Variants in KCNH8 observed in about 807,000 individuals in gnomAD.
The protein encoded by KCNH8 is potassium voltage-gated channel subfamily H member 8.
Under a neutral mutation model 103.6 loss-of-function variants are expected in KCNH8, and 70 were observed. The observed-to-expected ratio is 0.68, with a 90% CI of 0.56 to 0.82. The LOEUF is 0.82. KCNH8 is among the 40% of genes least tolerant of loss of function. The pLI is 0.00. For synonymous variants in KCNH8, 498 were observed against 489.4 expected (o/e 1.02, Z -0.23); for missense variants, 1,217 against 1,329.9 (o/e 0.92, Z 1.32).
chr3:19,306,064 GGA>G (rs562906373), intron 3 of KCNH8, among the ~76,000 whole-genome samples: 45 of 152,198 alleles, frequency 3.0e-4, no homozygotes, highest in Non-Finnish European at 5.9e-4. Flanking sequence ...AGAAATGGGA[GGA>G]GAGGATCTGG....
At chr3:19,272,006 A>G (rs1228465001) in intron 2 of KCNH8, among the ~76,000 whole-genome samples, 1 of 152,166 alleles carries the variant, frequency 6.6e-6, no homozygotes, top group Non-Finnish European at 1.5e-5. Context: ...GAGAATCTGA[A>G]CCTTGAAAAA....
chr3:19,481,946 C>T (rs1012684384), intron 11 of KCNH8, among the ~76,000 whole-genome samples: 32 of 152,146 alleles, frequency 2.1e-4, no homozygotes, highest in African/African-American at 7.7e-4. Flanking sequence ...ACCCCTCAGA[C>T]AACAATTTGT....
At chr3:19,373,023 T>C (rs892720894) in intron 5 of KCNH8, among the ~76,000 whole-genome samples, 3 of 151,966 alleles carry the variant, frequency 2.0e-5, no homozygotes, top group African/African-American at 4.8e-5. Context: ...CAGTATTTTA[T>C]TGAGGATTTT....
In KCNH8 at chr3:19,482,166, C is replaced by T. The variant is rs551902682; in HGVS notation, c.2040+25184C>T. On this transcript the variant is annotated intron_variant, in intron 11 of 15. Transcript: ENST00000328405. ...CACCGGTAATTAGAATGGAAGAGAACAGGACAGGGATTTCCACAGTGCTTT... is the reference window on the plus strand; with the variant it reads ...CACCGGTAATTAGAATGGAAGAGAATAGGACAGGGATTTCCACAGTGCTTT... Among the ~76,000 whole-genome samples the T allele has an allele frequency of 7.2e-5, 11 of 152,288 alleles. No individual in the cohort carries two copies. The East Asian group carries it at 2.1e-3, about 29-fold the overall frequency.
intron 3 of KCNH8, among the ~76,000 whole-genome samples, chr3:19,284,510 TGTGTGTG>T (rs2064801560): frequency 1.2e-5 from 1 of 83,432 alleles, no homozygotes; most frequent in African/African-American, 1.2e-4. Context: ...GATCTGCTGG[TGTGTGTG>T]TGTGTGTGTG....
chr3:19,237,205 G>T (rs1055404334), intron 1 of KCNH8, among the ~76,000 whole-genome samples: 1 of 152,194 alleles, frequency 6.6e-6, no homozygotes, highest in Non-Finnish European at 1.5e-5. Context: ...TGTTTTCGTT[G>T]TTGAGTAATG....
In KCNH8 at chr3:19,438,149, T is replaced by C; in HGVS notation, c.1178-15T>C. ...ACTTTTTCTTCTCTCATTTGCTTTA[T>C]TTCCTCCTTTGCAGGTTGGCTTCAT... On this transcript the variant is annotated splice_polypyrimidine_tract_variant and intron_variant, in intron 7 of 15. Transcript: ENST00000328405. 1 of 1,609,394 alleles carries C rather than the reference T, an allele frequency of 6.2e-7. No homozygotes were observed. The highest frequency in any genetic ancestry group is 1.1e-5 in the South Asian group (1 of 90,972).
chr3:19,280,560 G>A (rs956815222), intron 2 of KCNH8, among the ~76,000 whole-genome samples: 3 of 152,016 alleles, frequency 2.0e-5, no homozygotes, highest in African/African-American at 7.2e-5. Context: ...TTATATTAGT[G>A]ATATTCATCT....
At chr3:19,500,232 C>T (rs992731892) in intron 11 of KCNH8, among the ~76,000 whole-genome samples, 14 of 151,372 alleles carry the variant, frequency 9.2e-5, no homozygotes, top group Admixed American at 7.2e-4. Context: ...TCAACAAGAG[C>T]TAACTATCCT....
chr3:19,256,072 T>G (rs906897844), intron 2 of KCNH8, among the ~76,000 whole-genome samples: 6 of 152,246 alleles, frequency 3.9e-5, no homozygotes, highest in Middle Eastern at 3.4e-3. Context: ...GTTGACATTT[T>G]GGGTCAGTAA....
At chr3:19,505,834 A>G (rs770238032) in intron 11 of KCNH8, among the ~76,000 whole-genome samples, 1 of 152,110 alleles carries the variant, frequency 6.6e-6, no homozygotes, top group Non-Finnish European at 1.5e-5. Flanking sequence ...ACATAACCTC[A>G]TATTTCTCAG....
intron 1 of KCNH8, among the ~76,000 whole-genome samples, chr3:19,203,336 C>G (rs1426066297): frequency 1.3e-5 from 2 of 151,822 alleles, no homozygotes; most frequent in Non-Finnish European, 2.9e-5. Flanking sequence ...ATTATTGATG[C>G]TTTTTTGTTA....
intron 5 of KCNH8, among the ~76,000 whole-genome samples, chr3:19,376,180 G>A (rs28456201): frequency 0.076 from 11,498 of 152,242 alleles, 509 homozygotes; most frequent in East Asian, 0.17. Context: ...GGGCAATGGC[G>A]GGCGCCCCTC....
intron 5 of KCNH8, among the ~76,000 whole-genome samples, chr3:19,384,047 C>A (rs2066323316): frequency 6.6e-6 from 1 of 151,952 alleles, no homozygotes; most frequent in South Asian, 2.1e-4. Context: ...GTACACATGC[C>A]AATGGACATG....
intron 8 of KCNH8, among the ~76,000 whole-genome samples, chr3:19,444,149 T>A (rs183019902): frequency 2.2e-4 from 34 of 152,210 alleles, no homozygotes; most frequent in African/African-American, 8.2e-4. Context: ...ATTTCAAAGT[T>A]ACAGTAATTA....
chr3:19,349,997 T>C (rs540990777), intron 5 of KCNH8, among the ~76,000 whole-genome samples: 5 of 152,212 alleles, frequency 3.3e-5, no homozygotes, highest in African/African-American at 1.2e-4. Context: ...AGTTCTAGTG[T>C]GACTCCTGCC....
intron 3 of KCNH8, among the ~76,000 whole-genome samples, chr3:19,311,469 T>C (rs1011143759): frequency 3.3e-5 from 5 of 151,326 alleles, no homozygotes; most frequent in Non-Finnish European, 5.9e-5. Flanking sequence ...TTGACTTTTT[T>C]GCAATATATA....
intron 11 of KCNH8, among the ~76,000 whole-genome samples, chr3:19,502,999 A>C (rs1318866544): frequency 6.6e-6 from 1 of 151,930 alleles, no homozygotes; most frequent in African/African-American, 2.4e-5. Context: ...CAACCTACAA[A>C]ATGGGAGAAA....
At chr3:19,184,327 TAA>T (rs1341382243) in intron 1 of KCNH8, among the ~76,000 whole-genome samples, 2 of 151,984 alleles carry the variant, frequency 1.3e-5, no homozygotes, top group Admixed American at 6.5e-5. Context: ...TAAAGCATAT[TAA>T]AAATACTGTA....
Sources: allele counts gnomAD v4.1 joint callset (sites outside exome capture counted in the v4.1 genomes callset), GRCh38; gene constraint gnomAD v4.1.1; transcripts MANE v1.5; gene names NCBI Gene and HGNC (gene_info 2026-07-23, HGNC 2026-07-21).